MRRF: variants seen among roughly 807,000 people sequenced by gnomAD.
MRRF encodes the protein ribosome-recycling factor, mitochondrial.
MRRF carries 18 observed loss-of-function variants against 25.1 expected under a neutral mutation model. The observed-to-expected ratio is 0.72, with a 90% CI of 0.50 to 1.06. MRRF has a LOEUF of 1.06. Among genes scored for constraint, MRRF ranks in the 50% least tolerant of loss-of-function variants. The probability of loss-of-function intolerance (pLI) is 0.00; values close to 1 mark genes in which losing one functional copy is unlikely to be tolerated. For synonymous variants in MRRF, 113 were observed against 112.1 expected (o/e 1.01, Z -0.05); for missense variants, 323 against 319.3 (o/e 1.01, Z -0.09).
At chr9:122,308,211 C>G (rs1210330371) in intron 5 of MRRF, among the ~76,000 whole-genome samples, 1 of 152,156 alleles carries the variant, frequency 6.6e-6, no homozygotes, top group Non-Finnish European at 1.5e-5. Context: ...AGCCAAGAAA[C>G]TGCAACAGGG....
intron 3 of MRRF, among the ~76,000 whole-genome samples, chr9:122,284,194 A>G (rs1368680421): frequency 6.6e-6 from 1 of 152,104 alleles, no homozygotes; most frequent in Non-Finnish European, 1.5e-5. Context: ...CAGGAATCTA[A>G]TTTTCAAAGC....
chr9:122,297,471 T>TA (rs948623914), intron 5 of MRRF, among the ~76,000 whole-genome samples: 200 of 146,546 alleles, frequency 1.4e-3, no homozygotes, highest in Admixed American at 2.9e-3. Context: ...GTTCTGTACC[T>TA]AAAAAAAAAA....
At chr9:122,322,509 A>G in intron 6 of MRRF, 31 bp from the exon 7 acceptor site, 1 of 1,603,292 alleles carries the variant, frequency 6.2e-7, no homozygotes, top group Non-Finnish European at 8.5e-7. Flanking sequence ...CAGCCCCATT[A>G]ATCAGGCTGT....
chr9:122,328,158 A>C lies in MRRF; in HGVS notation c.*5541A>C, dbSNP rs1836189681. 6.6e-6 allele frequency: 1 copy of C among 152,110 alleles called. No individual in the cohort carries two copies. The highest frequency in any genetic ancestry group is 1.9e-4 in the East Asian group (1 of 5,186). 9.4% of individuals were successfully genotyped at this position (152,110 alleles called of 1,614,324 possible). On this transcript the variant is annotated 3_prime_UTR_variant, in exon 7 of 7. Coordinates refer to ENST00000344641, the MANE Select transcript of MRRF (RefSeq NM_138777.5). Reference sequence around the variant, plus strand: ...GGCTAACTTTTAAAATTATTTGTAGAGACAAGGTCTTGGCTATGTTGCCCA... The same window carrying C: ...GGCTAACTTTTAAAATTATTTGTAGCGACAAGGTCTTGGCTATGTTGCCCA...
At chr9:122,305,245 T>C (rs1834761830) in intron 5 of MRRF, among the ~76,000 whole-genome samples, 1 of 151,916 alleles carries the variant, frequency 6.6e-6, no homozygotes, top group Admixed American at 6.6e-5. Context: ...ACCCCATCTC[T>C]ACTAAAAATA....
intron 5 of MRRF, among the ~76,000 whole-genome samples, chr9:122,299,070 T>C (rs1221617401): frequency 6.6e-6 from 1 of 151,974 alleles, no homozygotes; most frequent in African/African-American, 2.4e-5. Context: ...GCCATGTGCC[T>C]GTAGCAGAGT....
At chr9:122,266,639 C>G (rs112826929) in intron 1 of MRRF, among the ~76,000 whole-genome samples, 2 of 152,134 alleles carry the variant, frequency 1.3e-5, no homozygotes, top group Non-Finnish European at 2.9e-5. Flanking sequence ...ATGTTATAAG[C>G]TAGTATACAG....
intron 5 of MRRF, among the ~76,000 whole-genome samples, chr9:122,292,132 A>G (rs2044583839): frequency 6.6e-6 from 1 of 152,210 alleles, no homozygotes; most frequent in African/African-American, 2.4e-5. Context: ...AGATAATGAA[A>G]TGCTATGAGG....
rs534116319 is a variant in MRRF at position 122,323,981 on chromosome 9, T to G, written c.*1364T>G. The stretch of plus-strand genomic sequence containing the variant: ...AAGGAAAAAAACAAACTTTTTTTCC[T>G]TTTGTACTTTCACACTCAACATGGA... On this transcript the variant is annotated 3_prime_UTR_variant, in exon 7 of 7. Transcript: ENST00000344641. 1 of 152,344 alleles carries G rather than the reference T, an allele frequency of 6.6e-6. No individual in the cohort carries two copies. The highest frequency in any genetic ancestry group is 1.9e-4 in the East Asian group (1 of 5,192). The allele number at this position is 152,344 out of a possible 1,614,324, so 9.4% of individuals were successfully genotyped here. A position where few individuals can be genotyped will look rare whatever the true frequency, so the allele number is the denominator to read the frequency against.
At chr9:122,277,214 C>T (rs1231998163) in intron 2 of MRRF, among the ~76,000 whole-genome samples, 1 of 152,112 alleles carries the variant, frequency 6.6e-6, no homozygotes, top group Non-Finnish European at 1.5e-5. Flanking sequence ...TATATTTAAT[C>T]TTAGAATTGT....
At chr9:122,291,180 T>G (rs1490574326) in intron 4 of MRRF, among the ~76,000 whole-genome samples, 1 of 152,226 alleles carries the variant, frequency 6.6e-6, no homozygotes, top group Admixed American at 6.5e-5. Flanking sequence ...AACTGAGATC[T>G]TTCTGACTCC....
chr9:122,265,277 A>G (rs929756805), intron 1 of MRRF, among the ~76,000 whole-genome samples: 3 of 152,158 alleles, frequency 2.0e-5, no homozygotes, highest in Non-Finnish European at 4.4e-5. Context: ...CACATAGGTA[A>G]TTTTACCAGG....
At chr9:122,272,501 T>TAA (rs879908900) in intron 2 of MRRF, among the ~76,000 whole-genome samples, 8 of 143,676 alleles carry the variant, frequency 5.6e-5, no homozygotes, top group African/African-American at 7.6e-5. Context: ...CCTTGCCTCT[T>TAA]AAAAAAAAAA....
chr9:122,274,533 GGTGTGTGTGT>G (rs765131163), intron 2 of MRRF, among the ~76,000 whole-genome samples: 12,376 of 140,598 alleles, frequency 0.088, 676 homozygotes, highest in Middle Eastern at 0.17. Flanking sequence ...ATATGAATCT[GGTGTGTGTGT>G]GTGTGTGTGT....
chr9:122,304,588 C>T (rs1446658249), intron 5 of MRRF, among the ~76,000 whole-genome samples: 2 of 152,204 alleles, frequency 1.3e-5, no homozygotes, highest in Admixed American at 1.3e-4. Flanking sequence ...CTCTCTTCTC[C>T]ATGCCTTGTA....
At chr9:122,319,529 G>T (rs547685550) in intron 6 of MRRF, among the ~76,000 whole-genome samples, 1 of 152,242 alleles carries the variant, frequency 6.6e-6, no homozygotes, top group South Asian at 2.1e-4. Context: ...CTGCTTCATA[G>T]AGGCTATGTG....
intron 1 of MRRF, among the ~76,000 whole-genome samples, chr9:122,267,733 GTACT>G (rs1312983775): frequency 3.8e-4 from 58 of 152,250 alleles, no homozygotes; most frequent in African/African-American, 1.4e-3. Flanking sequence ...AATAATCATA[GTACT>G]TACTTCAGGG....
In MRRF at chr9:122,285,632, C is replaced by T. The variant is rs370843952; in HGVS notation, c.459+345C>T. ...GTGGAATGCCTCTGCCCAGCTCCTG[C>T]TGATCATTGCCAGGCACAATGTAGG... is the stretch of plus-strand genomic sequence containing the variant. On this transcript the variant is annotated intron_variant, in intron 4 of 6. Coordinates refer to ENST00000344641, the MANE Select transcript of MRRF (RefSeq NM_138777.5). The T allele has an allele frequency of 4.3e-5, 26 of 598,540 alleles. No homozygotes were observed. In the South Asian group the frequency reaches 4.9e-4, roughly 11 times the overall value. The allele number at this position is 598,540 out of a possible 1,614,324, so 37.1% of individuals were successfully genotyped here.
intron 5 of MRRF, among the ~76,000 whole-genome samples, chr9:122,303,877 A>T (rs1006364412): frequency 6.6e-6 from 1 of 152,052 alleles, no homozygotes; most frequent in Non-Finnish European, 1.5e-5. Flanking sequence ...CGTGAAACCT[A>T]CTTCCTTTCA....
Sources: allele counts gnomAD v4.1 joint callset (sites outside exome capture counted in the v4.1 genomes callset), GRCh38; gene constraint gnomAD v4.1.1; transcripts MANE v1.5; gene names NCBI Gene and HGNC (gene_info 2026-07-23, HGNC 2026-07-21).